The following PPA2 variants were observed in gnomAD, a reference collection of about 807,000 sequenced individuals.
PPA2 encodes inorganic pyrophosphatase 2, mitochondrial.
Under a neutral mutation model 49.5 loss-of-function variants are expected in PPA2, and 48 were observed. That is an observed-to-expected ratio of 0.97 (90% CI 0.77 to 1.23). The LOEUF (loss-of-function observed/expected upper bound fraction) is 1.23, where lower values mean the gene tolerates loss of function less well. PPA2 is among the 50% of genes most tolerant of loss of function. The pLI is 0.00. For synonymous variants in PPA2, 131 were observed against 139.9 expected (o/e 0.94, Z 0.45); for missense variants, 429 against 410.1 (o/e 1.05, Z -0.40).
intron 7 of PPA2, among the ~76,000 whole-genome samples, chr4:105,412,080 G>A (rs1722789224): frequency 6.6e-6 from 1 of 151,942 alleles, no homozygotes. Flanking sequence ...CACAGAATTG[G>A]AAAAAAAGCT....
At chr4:105,439,048 C>T (rs1260270529) in intron 5 of PPA2, among the ~76,000 whole-genome samples, 4 of 151,928 alleles carry the variant, frequency 2.6e-5, no homozygotes, top group Non-Finnish European at 5.9e-5. Flanking sequence ...AACAACATTT[C>T]ACTGCCCCAA....
intron 7 of PPA2, among the ~76,000 whole-genome samples, chr4:105,404,392 A>T (rs1432321634): frequency 1.3e-5 from 2 of 152,164 alleles, no homozygotes; most frequent in Non-Finnish European, 2.9e-5. Flanking sequence ...AAAAAGTCTT[A>T]CTAAATAAAT....
chr4:105,431,132 T>C (rs1181110026), intron 6 of PPA2, among the ~76,000 whole-genome samples: 1 of 152,138 alleles, frequency 6.6e-6, no homozygotes, highest in Non-Finnish European at 1.5e-5. Context: ...AGAAAACATT[T>C]GGGGGTGATA....
In PPA2 at chr4:105,451,342, G is replaced by C. The variant is rs547213990; in HGVS notation, c.268-1939C>G. ...TAAAAGTAATGATGATTTATATTAA[G>C]TTTTTCTACATAAGACTAAAGGTTA... On this transcript the variant is annotated intron_variant, in intron 3 of 11. Coordinates refer to ENST00000341695, the MANE Select transcript of PPA2 (RefSeq NM_176869.3). Among the ~76,000 whole-genome samples, 12 of 152,266 alleles carry C rather than the reference G, an allele frequency of 7.9e-5. No individual in the cohort carries two copies. In the South Asian group the frequency reaches 2.5e-3, roughly 32 times the overall value.
intron 10 of PPA2, among the ~76,000 whole-genome samples, chr4:105,385,965 T>G (rs1456001237): frequency 5.3e-5 from 8 of 151,706 alleles, no homozygotes; most frequent in East Asian, 1.9e-4. Context: ...CTGCAACCTT[T>G]GCCTCCCAGG....
intron 10 of PPA2, among the ~76,000 whole-genome samples, chr4:105,372,187 GC>G (rs1560600927): frequency 6.6e-6 from 1 of 152,168 alleles, no homozygotes; most frequent in African/African-American, 2.4e-5. Context: ...TAGAATGGGG[GC>G]ATGCCTCCTA....
intron 6 of PPA2, among the ~76,000 whole-genome samples, chr4:105,429,379 T>C (rs377736223): frequency 2.8e-4 from 42 of 149,754 alleles, no homozygotes; most frequent in African/African-American, 1.0e-3. Flanking sequence ...CATCAATGAG[T>C]CTGAGATTTT....
At chr4:105,460,612 C>T (rs1375359721) in intron 1 of PPA2, among the ~76,000 whole-genome samples, 4 of 152,152 alleles carry the variant, frequency 2.6e-5, no homozygotes, top group Admixed American at 6.6e-5. Flanking sequence ...ATTACTTCAA[C>T]GTTCATTTGG....
chr4:105,376,313 C>A (rs1733248198), intron 10 of PPA2, among the ~76,000 whole-genome samples: 1 of 152,184 alleles, frequency 6.6e-6, no homozygotes, highest in African/African-American at 2.4e-5. Context: ...AGACAACCAT[C>A]CAAATTTTAT....
intron 1 of PPA2, 65 bp from the exon 2 acceptor site, chr4:105,456,810 C>T: frequency 8.3e-7 from 1 of 1,206,710 alleles, no homozygotes; most frequent in Middle Eastern, 2.0e-4. Flanking sequence ...TTCTATACAG[C>T]AATAATAAAC....
At chr4:105,454,263 C>T (rs1722785567) in intron 2 of PPA2, among the ~76,000 whole-genome samples, 2 of 152,078 alleles carry the variant, frequency 1.3e-5, no homozygotes, top group African/African-American at 4.8e-5. Flanking sequence ...ATCATTTTTC[C>T]AAATCAGCTC....
chr4:105,394,058 A>T (rs1472497089), intron 9 of PPA2, among the ~76,000 whole-genome samples: 1 of 152,160 alleles, frequency 6.6e-6, no homozygotes, highest in Non-Finnish European at 1.5e-5. Context: ...AGGTAAAAGA[A>T]CATAGCTATT....
At chr4:105,391,924 G>C (rs955091069) in intron 9 of PPA2, among the ~76,000 whole-genome samples, 2 of 152,266 alleles carry the variant, frequency 1.3e-5, no homozygotes, top group African/African-American at 2.4e-5. Flanking sequence ...TATGAGTAAA[G>C]AAATGCTAAG....
At chr4:105,420,614 C>T (rs1384135574) in intron 7 of PPA2, among the ~76,000 whole-genome samples, 3 of 152,038 alleles carry the variant, frequency 2.0e-5, no homozygotes, top group African/African-American at 2.4e-5. Flanking sequence ...AATGTTTAAA[C>T]GGTCATAAAA....
At chr4:105,472,023 C>T (rs1723543649) in intron 1 of PPA2, among the ~76,000 whole-genome samples, 1 of 152,164 alleles carries the variant, frequency 6.6e-6, no homozygotes, top group Non-Finnish European at 1.5e-5. Context: ...CAATAAGAGG[C>T]CAACATACTC....
chr4:105,471,055 C>T (rs564952298), intron 1 of PPA2, among the ~76,000 whole-genome samples: 1 of 152,266 alleles, frequency 6.6e-6, no homozygotes, highest in South Asian at 2.1e-4. Context: ...CTTAAATAGG[C>T]AAATTCTTCT....
intron 8 of PPA2, chr4:105,398,250 AAAT>A (rs1734224729): frequency 6.6e-6 from 1 of 152,028 alleles, no homozygotes; most frequent in Non-Finnish European, 1.5e-5. Flanking sequence ...ATTTAATCTA[AAAT>A]AATAATTTTA....
At chr4:105,370,989 A>C in intron 10 of PPA2, 116 bp from the exon 11 acceptor site, 1 of 978,794 alleles carries the variant, frequency 1.0e-6, no homozygotes, top group Non-Finnish European at 1.3e-6. Context: ...ATGGATCTCT[A>C]ACCTGAAAAA....
At chr4:105,413,616 T>C (rs1166025564) in intron 7 of PPA2, among the ~76,000 whole-genome samples, 2 of 152,196 alleles carry the variant, frequency 1.3e-5, no homozygotes, top group Non-Finnish European at 2.9e-5. Context: ...TGACACCATA[T>C]AGAATCCAGA....
Sources: allele counts gnomAD v4.1 joint callset (sites outside exome capture counted in the v4.1 genomes callset), GRCh38; gene constraint gnomAD v4.1.1; transcripts MANE v1.5; gene names NCBI Gene and HGNC (gene_info 2026-07-23, HGNC 2026-07-21).